The following ANXA3 variants were observed in gnomAD, a reference collection of about 807,000 sequenced individuals.
The protein encoded by ANXA3 is annexin A3, also known as 35-alpha calcimedin.
ANXA3 carries 46 observed loss-of-function variants against 48.8 expected under a neutral mutation model. The ratio of observed to expected loss-of-function variants is 0.94; its 90% CI spans 0.74 to 1.21. ANXA3 has a LOEUF of 1.21. Ranked by LOEUF, ANXA3 falls within the 50% of genes most tolerant of loss-of-function variation. ANXA3 has a pLI of 0.00. For missense variants in ANXA3, 383 were observed against 378.6 expected (o/e 1.01, Z -0.10); for synonymous variants, 128 against 134.7 (o/e 0.95, Z 0.35).
intron 2 of ANXA3, among the ~76,000 whole-genome samples, chr4:78,567,798 G>A (rs1206495926): frequency 6.6e-6 from 1 of 152,208 alleles, no homozygotes; most frequent in Non-Finnish European, 1.5e-5. Context: ...GTAGTCAGGA[G>A]GGCAGAATAC....
chr4:78,571,374 G>A (rs1722838000), intron 2 of ANXA3, among the ~76,000 whole-genome samples: 1 of 152,142 alleles, frequency 6.6e-6, no homozygotes, highest in Non-Finnish European at 1.5e-5. Flanking sequence ...TTTCTAACTT[G>A]CAATTATTTT....
intron 12 of ANXA3, among the ~76,000 whole-genome samples, chr4:78,609,638 T>TG (rs1262377308): frequency 1.3e-5 from 2 of 152,290 alleles, no homozygotes; most frequent in African/African-American, 4.8e-5. Context: ...ATCTGTTAAA[T>TG]GGGGGATACG....
At chr4:78,603,637 G>T (rs546196093) in intron 11 of ANXA3, 1 of 152,264 alleles carries the variant, frequency 6.6e-6, no homozygotes, top group East Asian at 1.9e-4. Flanking sequence ...CCACGAATTT[G>T]ATCTGATCTC....
chr4:78,580,183 G>T (rs1161885897), intron 4 of ANXA3, among the ~76,000 whole-genome samples: 1 of 152,220 alleles, frequency 6.6e-6, no homozygotes, highest in East Asian at 1.9e-4. Flanking sequence ...GATAGACAGT[G>T]ACTGGTGACT....
At chr4:78,591,483 C>T in intron 6 of ANXA3, 61 bp from the exon 7 acceptor site, 1 of 1,165,398 alleles carries the variant, frequency 8.6e-7, no homozygotes, top group Non-Finnish European at 1.3e-6. Context: ...AAACTTTTCT[C>T]TGTTTTATAA....
chr4:78,598,258 T>G (rs1723463048), intron 10 of ANXA3, among the ~76,000 whole-genome samples: 1 of 151,822 alleles, frequency 6.6e-6, no homozygotes, highest in Non-Finnish European at 1.5e-5. Context: ...TGGTTATTTA[T>G]GAAAGATATC....
Position 78,597,428 on chromosome 4 carries a change from T to G in ANXA3, c.730+14T>G. 6.5e-7 allele frequency: 1 copy of G among 1,539,944 alleles called. No individual in the cohort carries two copies. Among genetic ancestry groups the G allele is most frequent in the Admixed American group, 1.8e-5 (1 of 55,924 alleles). On this transcript the variant is annotated intron_variant, in intron 10 of 12. Coordinates refer to ENST00000264908, the MANE Select transcript of ANXA3 (RefSeq NM_005139.3). The stretch of plus-strand genomic sequence containing the variant: ...TGTTGGCCATAGGTAAGACTTCGAG[T>G]GCTGGTAAACTAAGTTACTTTGCAC...
intron 2 of ANXA3, 89 bp downstream of exon 2, chr4:78,554,577 A>G: frequency 8.2e-7 from 1 of 1,219,146 alleles, no homozygotes. Context: ...AAATTTTAGG[A>G]AAGTTTTTAA....
chr4:78,577,782 G>T (rs1012257833), intron 3 of ANXA3, among the ~76,000 whole-genome samples: 5 of 152,076 alleles, frequency 3.3e-5, no homozygotes, highest in African/African-American at 7.2e-5. Flanking sequence ...CATGCTCTAG[G>T]CCTGCAAGCC....
intron 6 of ANXA3, among the ~76,000 whole-genome samples, chr4:78,590,308 T>C (rs1369096544): frequency 6.6e-6 from 1 of 152,228 alleles, no homozygotes; most frequent in Non-Finnish European, 1.5e-5. Flanking sequence ...ACTTTTTTGG[T>C]GGATTTTGCT....
At chr4:78,606,592 C>G (rs1379567526) in intron 12 of ANXA3, among the ~76,000 whole-genome samples, 1 of 152,144 alleles carries the variant, frequency 6.6e-6, no homozygotes, top group Non-Finnish European at 1.5e-5. Flanking sequence ...ACAATAGCCA[C>G]CCTTGAACAG....
At chr4:78,566,028 C>G (rs973454088) in intron 2 of ANXA3, among the ~76,000 whole-genome samples, 4 of 152,138 alleles carry the variant, frequency 2.6e-5, no homozygotes, top group Admixed American at 2.6e-4. Flanking sequence ...GAGAGAGCCA[C>G]TTTCCACTTT....
At chr4:78,556,152 A>C (rs1475986560) in intron 2 of ANXA3, among the ~76,000 whole-genome samples, 1 of 152,210 alleles carries the variant, frequency 6.6e-6, no homozygotes, top group Non-Finnish European at 1.5e-5. Context: ...GCCCAAGTAC[A>C]TTTGTTTGTA....
At chr4:78,581,835 G>T (rs78718485) in intron 4 of ANXA3, among the ~76,000 whole-genome samples, 6 of 152,106 alleles carry the variant, frequency 3.9e-5, no homozygotes, top group African/African-American at 1.2e-4. Flanking sequence ...GAAGCTGGGC[G>T]TGAATTTATA....
At chr4:78,576,575 A>G (rs114406175) in intron 3 of ANXA3, among the ~76,000 whole-genome samples, 3,010 of 152,110 alleles carry the variant, frequency 0.02, 46 homozygotes, top group Middle Eastern at 0.034. Flanking sequence ...GGGATTATAG[A>G]TGTGAGTCAC....
At chr4:78,573,520 C>CA (rs1334786426) in intron 3 of ANXA3, among the ~76,000 whole-genome samples, 2 of 152,202 alleles carry the variant, frequency 1.3e-5, no homozygotes, top group Non-Finnish European at 2.9e-5. Context: ...CCGGGGGAAT[C>CA]TCAACCCTGG....
chr4:78,581,818 T>A (rs10028001), intron 4 of ANXA3, among the ~76,000 whole-genome samples: 72,434 of 151,966 alleles, frequency 0.48, 20,782 homozygotes, highest in Non-Finnish European at 0.63. Context: ...AGAGAGCACC[T>A]CCCACTGAAG....
At chr4:78,606,451 G>A (rs1723647314) in intron 12 of ANXA3, among the ~76,000 whole-genome samples, 3 of 152,126 alleles carry the variant, frequency 2.0e-5, no homozygotes, top group African/African-American at 4.8e-5. Context: ...GCCCCTACAA[G>A]GCTGGAGCAC....
intron 2 of ANXA3, among the ~76,000 whole-genome samples, chr4:78,560,911 A>G (rs528985322): frequency 6.6e-6 from 1 of 152,332 alleles, no homozygotes; most frequent in Admixed American, 6.5e-5. Context: ...ACAGTTTCCA[A>G]TATATATTCT....
Sources: allele counts gnomAD v4.1 joint callset (sites outside exome capture counted in the v4.1 genomes callset), GRCh38; gene constraint gnomAD v4.1.1; transcripts MANE v1.5; gene names NCBI Gene and HGNC (gene_info 2026-07-23, HGNC 2026-07-21).